Variants in NR2F2 observed in about 807,000 individuals in gnomAD.
The protein encoded by NR2F2 is COUP transcription factor 2.
Under a neutral mutation model 34.8 loss-of-function variants are expected in NR2F2, and 2 were observed. The ratio of observed to expected loss-of-function variants is 0.06; its 90% confidence interval spans 0.02 to 0.18. The LOEUF is 0.18. Among genes scored for constraint, NR2F2 ranks in the 10% least tolerant of loss-of-function variants. The probability of loss-of-function intolerance (pLI) is 1.00; values close to 1 mark genes in which losing one functional copy is unlikely to be tolerated. For missense variants in NR2F2, 300 were observed against 580.1 expected (o/e 0.52, Z 4.96); for synonymous variants, 274 against 251.8 (o/e 1.09, Z -0.84).
upstream of NR2F2, chr15:96,326,162 C>T: frequency 1.4e-6 from 1 of 701,432 alleles, no homozygotes; most frequent in Non-Finnish European, 2.6e-6. The surrounding 1 kb of genome is among the most constrained non-coding windows in gnomAD (Gnocchi z 5.5). Context: ...AGGCTAGTGC[C>T]TACTTTTTAT....
At position 96,333,081 on chromosome 15, in the gene NR2F2, T is replaced by TA. The variant is rs113621607; in HGVS notation, c.442+545dup. 2.1e-3 allele frequency: 323 copies of TA among 153,346 alleles called. 1 individual carries two copies. The highest frequency in any genetic ancestry group is 4.2e-3 in the Admixed American group (62 of 14,842). The allele number at this position is 153,346 out of a possible 1,614,324, so 9.5% of individuals were successfully genotyped here. On this transcript the variant is annotated intron_variant, in intron 1 of 2. Transcript: ENST00000394166. Reference sequence around the variant, plus strand: ...GACCCTCCGTGGATTAACATCCTGCTAAAAAAAAAAATACCTCTGCTTTCT... The same window carrying TA: ...GACCCTCCGTGGATTAACATCCTGCTAAAAAAAAAAAATACCTCTGCTTTCT...
At position 96,332,054 on chromosome 15, in the gene NR2F2, G is replaced by C; in HGVS notation, c.-52G>C. On this transcript the variant is annotated 5_prime_UTR_variant, in exon 1 of 3. Coordinates refer to ENST00000394166, the MANE Select transcript of NR2F2 (RefSeq NM_021005.4). ...AGACCCGGGGAGCCGCCGCCGCCCC[G>C]CCGCCGCCCGCAGCCAGGGGAGCAG... The C allele has an allele frequency of 8.0e-7, 1 of 1,247,842 alleles. No individual in the cohort carries two copies. The highest frequency in any genetic ancestry group is 1.0e-6 in the Non-Finnish European group (1 of 993,968). 77.3% of individuals were successfully genotyped at this position (1,247,842 alleles called of 1,614,324 possible).
rs1378991432 is a variant in NR2F2 at position 96,334,326 on chromosome 15, C to T, written c.693C>T (p.Pro231=). 6.2e-7 allele frequency: 1 copy of T among 1,614,234 alleles called. No homozygotes were observed. Among genetic ancestry groups the T allele is most frequent in the Non-Finnish European group, 8.5e-7 (1 of 1,180,050 alleles). Residue 231 remains proline, a synonymous_variant, in exon 2 of 3, where the codon CCC becomes CCT. Coordinates refer to ENST00000394166, the MANE Select transcript of NR2F2 (RefSeq NM_021005.4). ...CCGTCGAGTGGGCCCGGAACATCCC[C>T]TTCTTCCCCGACCTGCAGATCACGG... The part of the protein sequence containing the change: ...FSAVEWARNI[P]FFPDLQITDQ...
chr15:96,335,981 T>C (rs1327544150), intron 2 of NR2F2, among the ~76,000 whole-genome samples: 1 of 152,172 alleles, frequency 6.6e-6, no homozygotes, highest in Non-Finnish European at 1.5e-5. Flanking sequence ...GTGCCCCTCA[T>C]ACCTAGAACG....
In NR2F2 at chr15:96,333,247, T is replaced by A. The variant is rs1188985576; in HGVS notation, c.442+700T>A. 5.4e-6 allele frequency: 4 copies of A among 735,022 alleles called. No homozygotes were observed. The African/African-American group carries it at 7.7e-5, about 14-fold the overall frequency. 45.5% of individuals were successfully genotyped at this position (735,022 alleles called of 1,614,324 possible). A position where few individuals can be genotyped will look rare whatever the true frequency, so the allele number is the denominator to read the frequency against. ...TTCGCCGAGCGCCGCGAGCCGTGCT[T>A]TGCCAATGGCGCGCTCGGCGCGGGG... On this transcript the variant is annotated intron_variant, in intron 1 of 2. Coordinates refer to ENST00000394166, the MANE Select transcript of NR2F2 (RefSeq NM_021005.4).
intron 1 of NR2F2, chr15:96,332,751 C>G: frequency 8.4e-7 from 1 of 1,189,330 alleles, no homozygotes; most frequent in Non-Finnish European, 1.1e-6. Flanking sequence ...TCCTTCTTTA[C>G]TCTCTCTTTG....
Position 96,332,135 on chromosome 15 carries a change from C to G in NR2F2, c.30C>G (p.Asp10Glu). 1 of 1,357,000 alleles carries G rather than the reference C, an allele frequency of 7.4e-7. No individual in the cohort carries two copies. The allele number at this position is 1,357,000 out of a possible 1,614,324, so 84.1% of individuals were successfully genotyped here. A position where few individuals can be genotyped will look rare whatever the true frequency, so the allele number is the denominator to read the frequency against. MAMVVSTWR[D>E]PQDEVPGSQG... Reference sequence around the variant, plus strand: ...CAATGGTAGTCAGCACGTGGCGCGACCCCCAGGACGAGGTGCCCGGCTCAC... The same window carrying G: ...CAATGGTAGTCAGCACGTGGCGCGAGCCCCAGGACGAGGTGCCCGGCTCAC... Residue 10 changes from aspartate to glutamate, a missense_variant, in exon 1 of 3, where the codon GAC becomes GAG. Around this residue, in one of 6 missense-constraint regions of NR2F2, gnomAD observed 105 missense variants for 107.8 expected, o/e 0.97. Transcript: ENST00000394166.
upstream of NR2F2, among the ~76,000 whole-genome samples, chr15:96,326,720 C>T (rs948066549): frequency 7.2e-5 from 11 of 152,136 alleles, no homozygotes; most frequent in African/African-American, 2.7e-4. The surrounding 1 kb of genome is among the most constrained non-coding windows in gnomAD (Gnocchi z 5.5). Flanking sequence ...TCCTATAAAG[C>T]GTGGTTTTGC....
At position 96,334,088 on chromosome 15, in the gene NR2F2, G is replaced by A; in HGVS notation, c.455G>A (p.Gly152Asp). The change falls in exon 2 of 3, where the codon GGC becomes GAC. Residue 152 changes from glycine to aspartate, a missense_variant. Gly to Asp is a moderately conservative substitution (Grantham distance 94, BLOSUM62 -1). Transcript: ENST00000394166. Reference sequence around the variant, plus strand: ...TTCCTCCCCGCAGCGGTGCAGAGGGGCAGGATGCCGCCGACCCAGCCGACC... The same window carrying A: ...TTCCTCCCCGCAGCGGTGCAGAGGGACAGGATGCCGCCGACCCAGCCGACC... Reference protein sequence around the residue: ...VGMRREAVQRGRMPPTQPTHG... With the variant: ...VGMRREAVQRDRMPPTQPTHG... 2 of 1,612,914 alleles carry A rather than the reference G, an allele frequency of 1.2e-6. No individual in the cohort carries two copies. The highest frequency in any genetic ancestry group is 1.7e-6 in the Non-Finnish European group (2 of 1,179,870).
Position 96,331,318 on chromosome 15 carries a change from C to T in NR2F2, c.-788C>T. ...CGGCGGCCCAGCGCCAGGACGACGC[C>T]GCGCAGCGCCCGACGCGGACCACTT... On this transcript the variant is annotated 5_prime_UTR_variant, in exon 1 of 3. Coordinates refer to ENST00000394166, the MANE Select transcript of NR2F2 (RefSeq NM_021005.4). The T allele has an allele frequency of 8.5e-7, 1 of 1,169,888 alleles. No individual in the cohort carries two copies. Among genetic ancestry groups the T allele is most frequent in the Non-Finnish European group, 1.1e-6 (1 of 948,462 alleles). The allele number at this position is 1,169,888 out of a possible 1,614,324, so 72.5% of individuals were successfully genotyped here.
In NR2F2 at chr15:96,331,714, C is replaced by T; in HGVS notation, c.-392C>T. The T allele has an allele frequency of 9.7e-7, 1 of 1,028,640 alleles. No homozygotes were observed. Among genetic ancestry groups the T allele is most frequent in the Non-Finnish European group, 1.2e-6 (1 of 808,642 alleles). The allele number at this position is 1,028,640 out of a possible 1,614,324, so 63.7% of individuals were successfully genotyped here. ...AGATTTTTTTTTTTGCCTCCTACTT[C>T]TGTCTTGAAGCCAGACAATCGACTT... is the stretch of plus-strand genomic sequence containing the variant. On this transcript the variant is annotated 5_prime_UTR_variant, in exon 1 of 3. Transcript: ENST00000394166.
chr15:96,331,675 C>A lies in NR2F2; in HGVS notation c.-431C>A. On this transcript the variant is annotated 5_prime_UTR_variant, in exon 1 of 3. Coordinates refer to ENST00000394166, the MANE Select transcript of NR2F2 (RefSeq NM_021005.4). ...GAGGGAGGGAGAGAGTGAGAGCGAG[C>A]GAGATCTTTGGAGAGATTTTTTTTT... 1 of 1,105,054 alleles carries A rather than the reference C, an allele frequency of 9.0e-7. No homozygotes were observed. The highest frequency in any genetic ancestry group is 1.1e-6 in the Non-Finnish European group (1 of 876,474). 68.5% of individuals were successfully genotyped at this position (1,105,054 alleles called of 1,614,324 possible).
At chr15:96,333,877 C>T (rs1225648521) in intron 1 of NR2F2, 199 bp from the exon 2 acceptor site, 12 of 1,431,702 alleles carry the variant, frequency 8.4e-6, no homozygotes, top group African/African-American at 2.9e-5. Context: ...CCCCTCTGGC[C>T]CTCAGAGCTC....
upstream of NR2F2, chr15:96,326,127 C>T (rs770797667): frequency 7.9e-6 from 5 of 631,472 alleles, no homozygotes; most frequent in Non-Finnish European, 1.4e-5. The surrounding 1 kb of genome is among the most constrained non-coding windows in gnomAD (Gnocchi z 5.5). Context: ...AGATCTCTCC[C>T]TTCACCTTTC....
At position 96,330,992 on chromosome 15, in the gene NR2F2, TATC is replaced by T; in HGVS notation, c.-1111_-1109del. 8.3e-7 allele frequency: 1 copy of T among 1,208,632 alleles called. No individual in the cohort carries two copies. Among genetic ancestry groups the T allele is most frequent in the Non-Finnish European group, 1.0e-6 (1 of 972,810 alleles). The allele number at this position is 1,208,632 out of a possible 1,614,324, so 74.9% of individuals were successfully genotyped here. On this transcript the variant is annotated 5_prime_UTR_variant, in exon 1 of 3. Transcript: ENST00000394166. The stretch of plus-strand genomic sequence containing the variant: ...GTGATCTGCCCTCCTCTCTCTCTTT[TATC>T]ATTTCTCCCCCGCCGCCGGCGAGTT...
rs1455606804 is a variant in NR2F2, at chr15:96,334,421, C to T, written c.788C>T (p.Pro263Leu). ...FVLNAAQCSM[P>L]LHVAPLLAAA... is the part of the protein sequence containing the mutation. ...TTGAATGCGGCGCAGTGCTCCATGC[C>T]CCTCCACGTCGCCCCGCTCCTGGCC... Residue 263 changes from proline to leucine, a missense_variant, in exon 2 of 3, where the codon CCC becomes CTC. Physicochemically the swap from Pro to Leu is moderately conservative, Grantham distance 98. Transcript: ENST00000394166. The T allele has an allele frequency of 6.2e-7, 1 of 1,613,968 alleles. No individual in the cohort carries two copies. The highest frequency in any genetic ancestry group is 2.2e-5 in the East Asian group (1 of 44,854).
rs1899438228 is a variant in NR2F2, at chr15:96,339,541, T to A, written c.*1919T>A. ...TTGGAGTTATGTACATAAAAACACA[T>A]CGACATTTTGACATTTCAGATTGTG... On this transcript the variant is annotated 3_prime_UTR_variant, in exon 3 of 3. Coordinates refer to ENST00000394166, the MANE Select transcript of NR2F2 (RefSeq NM_021005.4). The A allele has an allele frequency of 1.3e-5, 2 of 152,128 alleles. No homozygotes were observed. Among genetic ancestry groups the A allele is most frequent in the South Asian group, 4.2e-4 (2 of 4,810 alleles). The allele number at this position is 152,128 out of a possible 1,614,324, so 9.4% of individuals were successfully genotyped here.
Position 96,331,711 on chromosome 15 carries a change from C to G in NR2F2, c.-395C>G. 5 of 1,033,480 alleles carry G rather than the reference C, an allele frequency of 4.8e-6. No homozygotes were observed. Among genetic ancestry groups the G allele is most frequent in the Non-Finnish European group, 6.2e-6 (5 of 812,948 alleles). The allele number at this position is 1,033,480 out of a possible 1,614,324, so 64.0% of individuals were successfully genotyped here. A position where few individuals can be genotyped will look rare whatever the true frequency, so the allele number is the denominator to read the frequency against. On this transcript the variant is annotated 5_prime_UTR_variant, in exon 1 of 3. Coordinates refer to ENST00000394166, the MANE Select transcript of NR2F2 (RefSeq NM_021005.4). ...GAGAGATTTTTTTTTTTGCCTCCTA[C>G]TTCTGTCTTGAAGCCAGACAATCGA... is the stretch of plus-strand genomic sequence containing the variant.
At chr15:96,333,695 C>T in intron 1 of NR2F2, 1 of 1,146,840 alleles carries the variant, frequency 8.7e-7, no homozygotes, top group East Asian at 4.5e-5. Context: ...CAGACTCGCC[C>T]CTCCCGCTCC....
Sources: gnomAD v4.1 joint callset for allele counts (sites outside exome capture counted in the v4.1 genomes callset) on GRCh38, gnomAD v4.1.1 for gene constraint, gnomAD v4.1.1 regional missense constraint, Gnocchi (gnomAD v3.1) non-coding constraint, MANE v1.5 for transcripts, NCBI Gene and HGNC (gene_info 2026-07-23, HGNC 2026-07-21) for gene names.